DTYMK: variants seen among roughly 807,000 people sequenced by gnomAD.
DTYMK encodes the protein thymidylate kinase.
A neutral mutation model predicts 20.3 loss-of-function variants in DTYMK; 20 were observed. That is an observed-to-expected ratio of 0.99 (90% CI 0.69 to 1.43). The LOEUF (loss-of-function observed/expected upper bound fraction) is 1.43. DTYMK is among the 40% of genes most tolerant of loss of function. DTYMK has a pLI of 0.00. For missense variants in DTYMK, 320 were observed against 291.1 expected, an observed-to-expected ratio of 1.10 and a Z score of -0.72; for synonymous variants, 148 against 124.4, an observed-to-expected ratio of 1.19 and a Z score of -1.27.
In DTYMK at chr2:241,676,067, G is replaced by T; in HGVS notation, c.*60C>A. On this transcript the variant is annotated 3_prime_UTR_variant, in exon 5 of 5. Coordinates refer to ENST00000305784, the MANE Select transcript of DTYMK (RefSeq NM_012145.4). ...GACTCTGCTGGGGACGGGGCCTTCC[G>T]CGAGTCTCCCACCTCTCGGGGGACT... 6.7e-7 allele frequency: 1 copy of T among 1,503,052 alleles called. No homozygotes were observed. The allele number at this position is 1,503,052 out of a possible 1,614,324, so 93.1% of individuals were successfully genotyped here.
chr2:241,685,643 C>G (rs2069372222), intron 2 of DTYMK, 126 bp downstream of exon 2: 6 of 1,050,132 alleles, frequency 5.7e-6, no homozygotes, highest in Admixed American at 2.3e-5. Context: ...CACAGGACTG[C>G]TAAACAGAAG....
intron 4 of DTYMK, among the ~76,000 whole-genome samples, chr2:241,676,730 C>T (rs1043153525): frequency 6.6e-6 from 1 of 152,262 alleles, no homozygotes; most frequent in Non-Finnish European, 1.5e-5. Context: ...GCTGAGTGCC[C>T]ACTTGCAGGA....
chr2:241,684,276 A>G (rs1213446385), intron 2 of DTYMK, among the ~76,000 whole-genome samples: 1 of 152,228 alleles, frequency 6.6e-6, no homozygotes, highest in Non-Finnish European at 1.5e-5. Context: ...TCACTTTTCT[A>G]CAAAGCCACA....
rs2124839450 is a variant in DTYMK, at chr2:241,686,813, C to G, written c.-30G>C. 1 of 1,432,712 alleles carries G rather than the reference C, an allele frequency of 7.0e-7. No individual in the cohort carries two copies. Among genetic ancestry groups the G allele is most frequent in the East Asian group, 2.8e-5 (1 of 36,330 alleles). The allele number at this position is 1,432,712 out of a possible 1,614,324, so 88.7% of individuals were successfully genotyped here. A position where few individuals can be genotyped will look rare whatever the true frequency, so the allele number is the denominator to read the frequency against. On this transcript the variant is annotated 5_prime_UTR_variant, in exon 1 of 5. Transcript: ENST00000305784. ...GTCCACCGCCCGCCGCTGGCGTCTC[C>G]ACGCAGCCTTCCGGAGCTCCCATTG...
intron 4 of DTYMK, among the ~76,000 whole-genome samples, chr2:241,676,483 C>T (rs1182093874): frequency 1.3e-5 from 2 of 152,232 alleles, no homozygotes; most frequent in Non-Finnish European, 2.9e-5. Context: ...ATGTTTCGTT[C>T]TGTCCTCTGT....
chr2:241,684,891 G>T lies in DTYMK; in HGVS notation c.239+878C>A, dbSNP rs575594140. ...TGGGGAAGGGGGGAAGGCAGGGGTA[G>T]TATGTAGGGAGCGCTCTACATACTC... On this transcript the variant is annotated intron_variant, in intron 2 of 4. Coordinates refer to ENST00000305784, the MANE Select transcript of DTYMK (RefSeq NM_012145.4). 148 of 390,672 alleles carry T rather than the reference G, an allele frequency of 3.8e-4. 1 individual carries two copies. The highest frequency in any genetic ancestry group is 3.0e-3 in the African/African-American group (140 of 47,178). The allele number at this position is 390,672 out of a possible 1,614,324, so 24.2% of individuals were successfully genotyped here. A position where few individuals can be genotyped will look rare whatever the true frequency, so the allele number is the denominator to read the frequency against.
chr2:241,678,733 G>T (rs2069175205), intron 3 of DTYMK, 84 bp from the exon 4 acceptor site: 8 of 1,492,902 alleles, frequency 5.4e-6, no homozygotes, highest in Non-Finnish European at 7.3e-6. Flanking sequence ...AAAAATGAGG[G>T]GACATTTGGT....
chr2:241,679,551 T>C (rs1365915999), intron 3 of DTYMK, among the ~76,000 whole-genome samples: 1 of 152,126 alleles, frequency 6.6e-6, no homozygotes, highest in Admixed American at 6.5e-5. Flanking sequence ...GGAGGATCAC[T>C]TGGGCCCAAG....
At chr2:241,685,702 C>A (rs1315071231) in intron 2 of DTYMK, 67 bp downstream of exon 2, 3 of 1,476,646 alleles carry the variant, frequency 2.0e-6, no homozygotes, top group Non-Finnish European at 2.8e-6. Flanking sequence ...TCGAGTGCTG[C>A]GTTCACTGAA....
chr2:241,685,630 GC>G, intron 2 of DTYMK, 138 bp downstream of exon 2: 4 of 878,492 alleles, frequency 4.6e-6, no homozygotes, highest in Non-Finnish European at 7.0e-6. Flanking sequence ...CACCACCTCT[GC>G]CCACAGGACT....
intron 4 of DTYMK, among the ~76,000 whole-genome samples, chr2:241,676,925 C>T (rs536052725): frequency 6.6e-6 from 1 of 152,376 alleles, no homozygotes; most frequent in African/African-American, 2.4e-5. Flanking sequence ...GACAGCAGGA[C>T]CAGTGCAACA....
chr2:241,676,131 T>G lies in DTYMK; in HGVS notation c.635A>C (p.Lys212Thr). 6 of 1,610,916 alleles carry G rather than the reference T, an allele frequency of 3.7e-6. No homozygotes were observed. Among genetic ancestry groups the G allele is most frequent in the Non-Finnish European group, 5.1e-6 (6 of 1,178,608 alleles). ...TCTCCAGTGGGCAGCCTTGGGTCAC[T>G]TCCATAGCTCCCCCAGCGGCTTCTC... is the stretch of plus-strand genomic sequence containing the variant. ...ATEKPLGELW[K>T] The change falls in exon 5 of 5, where the codon AAG becomes ACG. Residue 212 changes from lysine to threonine, a missense_variant. Transcript: ENST00000305784.
At chr2:241,683,470 T>G (rs541015188) in intron 2 of DTYMK, among the ~76,000 whole-genome samples, 4 of 152,264 alleles carry the variant, frequency 2.6e-5, no homozygotes, top group South Asian at 4.1e-4. Flanking sequence ...TGTTAGTGTA[T>G]TTTATGCGTG....
chr2:241,682,277 G>C (rs1489130266), intron 2 of DTYMK: 2 of 453,606 alleles, frequency 4.4e-6, no homozygotes, highest in East Asian at 7.0e-5. Context: ...GGAGGTCGAG[G>C]CTGCAGTAAG....
chr2:241,685,715 T>A (rs1256366857), intron 2 of DTYMK, 54 bp downstream of exon 2: 2 of 1,555,214 alleles, frequency 1.3e-6, no homozygotes, highest in African/African-American at 2.7e-5. Flanking sequence ...TCACTGAATC[T>A]CAGGAGGAAG....
At chr2:241,684,779 T>C (rs2069341342) in intron 2 of DTYMK, 2 of 457,198 alleles carry the variant, frequency 4.4e-6, no homozygotes. Flanking sequence ...AAAAAGGTGG[T>C]AGGAGAGTTC....
intron 4 of DTYMK, among the ~76,000 whole-genome samples, chr2:241,677,636 A>G (rs940517373): frequency 2.6e-5 from 4 of 152,100 alleles, no homozygotes; most frequent in African/African-American, 9.7e-5. Context: ...TCTGGGAGAG[A>G]GGTAGGGGCT....
At chr2:241,686,020 T>G in intron 1 of DTYMK, 143 bp from the exon 2 acceptor site, 2 of 764,040 alleles carry the variant, frequency 2.6e-6, no homozygotes, top group East Asian at 5.5e-5. Flanking sequence ...GCTTGGATCT[T>G]CTGCGGAAGC....
chr2:241,682,151 C>T (rs1325679904), intron 2 of DTYMK: 2 of 419,890 alleles, frequency 4.8e-6, no homozygotes, highest in Non-Finnish European at 9.5e-6. Context: ...CCAGCCTGGG[C>T]AACAATAGTG....
Sources: allele counts gnomAD v4.1 joint callset (sites outside exome capture counted in the v4.1 genomes callset), GRCh38; gene constraint gnomAD v4.1.1; transcripts MANE v1.5; gene names NCBI Gene and HGNC (gene_info 2026-07-23, HGNC 2026-07-21).